The following SETD2 variants were observed in gnomAD, a reference collection of about 807,000 sequenced individuals.
The protein encoded by SETD2 is SET domain containing 2, histone lysine methyltransferase, also known as histone-lysine N-methyltransferase SETD2.
In SETD2, 31 loss-of-function variants were observed where a neutral mutation model predicts 242.1. The ratio of observed to expected loss-of-function variants is 0.13; its 90% CI spans 0.10 to 0.17. The LOEUF (loss-of-function observed/expected upper bound fraction) is 0.17, where lower values mean the gene tolerates loss of function less well. SETD2 is among the 10% of genes least tolerant of loss of function. SETD2 has a pLI of 1.00. For missense variants in SETD2, 2,481 were observed against 3,046.3 expected (o/e 0.81, Z 4.37); for synonymous variants, 1,006 against 1,066.5 (o/e 0.94, Z 1.11).
At chr3:47,063,062 T>A (rs1337192791) in intron 13 of SETD2, among the ~76,000 whole-genome samples, 11 of 152,304 alleles carry the variant, frequency 7.2e-5, no homozygotes, top group Admixed American at 4.6e-4. Context: ...CTGTGCATAC[T>A]CAAGTCCCAC....
intron 18 of SETD2, among the ~76,000 whole-genome samples, chr3:47,033,140 C>T (rs868132420): frequency 3.9e-5 from 6 of 152,192 alleles, no homozygotes; most frequent in Middle Eastern, 3.2e-3. Flanking sequence ...CAACCTCATG[C>T]TGGATTACAA....
At chr3:47,097,713 A>G (rs1182996407) in intron 9 of SETD2, among the ~76,000 whole-genome samples, 1 of 152,222 alleles carries the variant, frequency 6.6e-6, no homozygotes, top group Non-Finnish European at 1.5e-5. Flanking sequence ...TAGGAGTTTT[A>G]AAGAATCTGA....
intron 18 of SETD2, among the ~76,000 whole-genome samples, chr3:47,027,680 G>A (rs202186847): frequency 6.6e-6 from 1 of 152,074 alleles, no homozygotes; most frequent in Non-Finnish European, 1.5e-5. Context: ...GGTAATGGCT[G>A]CATAATTTGG....
intron 18 of SETD2, among the ~76,000 whole-genome samples, chr3:47,025,119 T>TAGCAGCCACTG (rs1245383527): frequency 2.0e-5 from 3 of 152,304 alleles, no homozygotes; most frequent in African/African-American, 7.2e-5. Context: ...TTTGCCTGCC[T>TAGCAGCCACTG]AGCAGCCACT....
At chr3:47,154,221 C>T (rs1040816862) in intron 1 of SETD2, among the ~76,000 whole-genome samples, 2 of 151,776 alleles carry the variant, frequency 1.3e-5, no homozygotes, top group South Asian at 2.1e-4. Flanking sequence ...CCATCCTGGC[C>T]AACATGGTGA....
intron 1 of SETD2, among the ~76,000 whole-genome samples, chr3:47,149,389 G>A (rs1406603095): frequency 2.0e-5 from 3 of 150,980 alleles, no homozygotes; most frequent in East Asian, 1.9e-4. Flanking sequence ...CAAGCTAAAG[G>A]GGAAAAAAAA....
At chr3:47,049,402 T>C (rs2039702095) in intron 15 of SETD2, among the ~76,000 whole-genome samples, 1 of 131,258 alleles carries the variant, frequency 7.6e-6, no homozygotes, top group African/African-American at 2.9e-5. Context: ...AGACAGAGTC[T>C]GGCTCTGTCG....
At chr3:47,055,776 G>A (rs2040029225) in intron 15 of SETD2, among the ~76,000 whole-genome samples, 1 of 151,900 alleles carries the variant, frequency 6.6e-6, no homozygotes, top group African/African-American at 2.4e-5. Flanking sequence ...ACTTTGGGAG[G>A]CCGAGGTGGG....
intron 5 of SETD2, among the ~76,000 whole-genome samples, chr3:47,113,106 CTTTT>C (rs67797383): frequency 6.7e-6 from 1 of 148,208 alleles, no homozygotes; most frequent in Middle Eastern, 3.3e-3. Context: ...CTCTTCTACT[CTTTT>C]TTTTTTTCTT....
rs775780402 is a variant in SETD2, at chr3:47,019,836, G to A, written c.7355C>T (p.Ser2452Leu). Residue 2452 changes from serine to leucine, a missense_variant, in exon 19 of 21, where the codon TCG becomes TTG. Transcript: ENST00000409792. Reference protein sequence around the residue: ...PTYDENPMKASKKPKTAEADT... With the variant: ...PTYDENPMKALKKPKTAEADT... ...TGCTTCTGCTGTCTTGGGCTTTTTCGAGGCCTAAAAATGGAGGAGAAAACA... is the reference window on the plus strand; with the variant it reads ...TGCTTCTGCTGTCTTGGGCTTTTTCAAGGCCTAAAAATGGAGGAGAAAACA... 98 of 1,613,466 alleles carry A rather than the reference G, an allele frequency of 6.1e-5. No homozygotes were observed. The highest frequency in any genetic ancestry group is 8.3e-5 in the Admixed American group (5 of 59,968).
At chr3:47,023,269 G>A (rs1038312433) in intron 18 of SETD2, among the ~76,000 whole-genome samples, 6 of 151,986 alleles carry the variant, frequency 3.9e-5, no homozygotes, top group Admixed American at 1.3e-4. Flanking sequence ...GCGCGGCGGC[G>A]TGCACCTGTA....
intron 12 of SETD2, among the ~76,000 whole-genome samples, chr3:47,074,265 T>C (rs375512544): frequency 8.5e-5 from 13 of 152,202 alleles, no homozygotes; most frequent in Admixed American, 2.0e-4. Flanking sequence ...AAATTATCTC[T>C]GGAAAGCTAC....
At position 47,042,563 on chromosome 3, in the gene SETD2, T is replaced by C. The variant is rs2107539210; in HGVS notation, c.7236A>G (p.Thr2412=). 1 of 1,614,062 alleles carries C rather than the reference T, an allele frequency of 6.2e-7. No homozygotes were observed. The highest frequency in any genetic ancestry group is 2.2e-5 in the East Asian group (1 of 44,876). Residue 2412 remains threonine, a splice_region_variant and synonymous_variant, in exon 17 of 21, where the codon ACA becomes ACG. Transcript: ENST00000409792. Reference sequence around the variant, plus strand: ...AACGCCCATACAGCTCCTCTTACCTTGTGATCACATGGTAGTAATAAATCT... The same window carrying C: ...AACGCCCATACAGCTCCTCTTACCTCGTGATCACATGGTAGTAATAAATCT... ...EGKIYYYHVI[T]RQTQWDPPTW...
intron 1 of SETD2, among the ~76,000 whole-genome samples, chr3:47,154,939 A>G (rs2106836501): frequency 6.6e-6 from 1 of 152,218 alleles, no homozygotes; most frequent in East Asian, 1.9e-4. Flanking sequence ...GCTTGCAGTG[A>G]GCCGAGATCG....
chr3:47,044,125 G>A (rs768189265), intron 16 of SETD2, among the ~76,000 whole-genome samples: 3 of 151,702 alleles, frequency 2.0e-5, no homozygotes, highest in Non-Finnish European at 4.4e-5. Flanking sequence ...GGTGGATCAC[G>A]AGGTCAGGAG....
Position 47,060,867 on chromosome 3 carries a change from T to C in SETD2, c.6293+1296A>G, listed in dbSNP as rs185193608. ...CACCAAGACAAAATTATATTTAGAA[T>C]ATAAAGGACACATAAAACTAAAAAA... On this transcript the variant is annotated intron_variant, in intron 14 of 20. Coordinates refer to ENST00000409792, the MANE Select transcript of SETD2 (RefSeq NM_014159.7). Among the ~76,000 whole-genome samples the C allele has an allele frequency of 3.9e-5, 6 of 152,178 alleles. No individual in the cohort carries two copies. The East Asian group carries it at 1.2e-3, about 29-fold the overall frequency.
rs2106659463 is a variant in SETD2, at chr3:47,121,741, T to C, written c.2895A>G (p.Glu965=). 6.2e-7 allele frequency: 1 copy of C among 1,614,142 alleles called. No individual in the cohort carries two copies. ...SGKCLQEAQE[E]GNSILPERRG... ...TTCTTTCAGGCAATATGGAATTCCC[T>C]TCTTCTTGAGCCTCTTGCAAACATT... Residue 965 remains glutamate (E), a synonymous_variant, in exon 3 of 21, where the codon GAA becomes GAG. Transcript: ENST00000409792.
At chr3:47,113,594 G>C (rs908549418) in intron 5 of SETD2, among the ~76,000 whole-genome samples, 1 of 152,030 alleles carries the variant, frequency 6.6e-6, no homozygotes, top group Non-Finnish European at 1.5e-5. Flanking sequence ...CAGCACTTTG[G>C]GATGCCAAGG....
At chr3:47,058,004 C>T (rs192633324) in intron 14 of SETD2, among the ~76,000 whole-genome samples, 2 of 152,132 alleles carry the variant, frequency 1.3e-5, no homozygotes, top group East Asian at 1.9e-4. Context: ...TAAAAACATA[C>T]AGCAGAAAGA....
Sources: gnomAD v4.1 joint callset for allele counts (sites outside exome capture counted in the v4.1 genomes callset) on GRCh38, gnomAD v4.1.1 for gene constraint, MANE v1.5 for transcripts, NCBI Gene and HGNC (gene_info 2026-07-23, HGNC 2026-07-21) for gene names.